Variants in MACROD2 observed in about 807,000 individuals in gnomAD.
The protein encoded by MACROD2 is ADP-ribose glycohydrolase MACROD2.
A neutral mutation model predicts 70.4 loss-of-function variants in MACROD2; 36 were observed. The observed-to-expected ratio is 0.51, with a 90% CI of 0.39 to 0.68. MACROD2 has a LOEUF of 0.68. Ranked by LOEUF, MACROD2 falls within the 30% of genes least tolerant of loss-of-function variation. The pLI, the probability that MACROD2 is intolerant of heterozygous loss-of-function variation, is 0.00. For synonymous variants in MACROD2, 172 were observed against 178.8 expected (o/e 0.96, Z 0.30); for missense variants, 496 against 538.4 (o/e 0.92, Z 0.78).
At chr20:14,824,869 A>G (rs1448357876) in intron 5 of MACROD2, among the ~76,000 whole-genome samples, 5 of 152,106 alleles carry the variant, frequency 3.3e-5, no homozygotes, top group African/African-American at 1.2e-4. Flanking sequence ...TTGAGGTACT[A>G]CCATGTGCCG....
intron 4 of MACROD2, among the ~76,000 whole-genome samples, chr20:14,679,077 G>A (rs1315520252): frequency 1.3e-5 from 2 of 152,106 alleles, no homozygotes; most frequent in Admixed American, 6.6e-5. Context: ...GCCACCTCCT[G>A]CTTCTTCAAG....
chr20:14,436,196 T>C (rs768627898), intron 3 of MACROD2, among the ~76,000 whole-genome samples: 3 of 152,212 alleles, frequency 2.0e-5, no homozygotes, highest in Non-Finnish European at 4.4e-5. Context: ...GTTTATCTGT[T>C]GACAAGTGAT....
intron 5 of MACROD2, among the ~76,000 whole-genome samples, chr20:15,123,126 T>C (rs1468370987): frequency 6.6e-6 from 1 of 152,150 alleles, no homozygotes; most frequent in Non-Finnish European, 1.5e-5. Context: ...TATGACCCAG[T>C]TTAGACCAAA....
At chr20:16,042,737 C>T (rs557139575) in intron 16 of MACROD2, among the ~76,000 whole-genome samples, 1 of 152,162 alleles carries the variant, frequency 6.6e-6, no homozygotes, top group Non-Finnish European at 1.5e-5. Context: ...TGGATGAATG[C>T]TTATACTTAC....
chr20:15,227,833 T>G (rs6034130), intron 5 of MACROD2, among the ~76,000 whole-genome samples: 29 of 97,458 alleles, frequency 3.0e-4, no homozygotes, highest in Non-Finnish European at 3.4e-4. Flanking sequence ...GTTTTTTTTT[T>G]TTTTTTTTTT....
intron 5 of MACROD2, among the ~76,000 whole-genome samples, chr20:15,112,302 G>A (rs2075961113): frequency 6.6e-6 from 1 of 152,124 alleles, no homozygotes; most frequent in South Asian, 2.1e-4. Flanking sequence ...TTAAAATTAG[G>A]CCACTGGATA....
At chr20:15,877,988 C>T (rs1342250313) in intron 9 of MACROD2, among the ~76,000 whole-genome samples, 8 of 151,918 alleles carry the variant, frequency 5.3e-5, no homozygotes, top group Admixed American at 2.0e-4. Flanking sequence ...GAGAGGATGC[C>T]GTAATAGCTC....
At chr20:15,221,274 A>G (rs2076859171) in intron 5 of MACROD2, among the ~76,000 whole-genome samples, 1 of 152,148 alleles carries the variant, frequency 6.6e-6, no homozygotes, top group African/African-American at 2.4e-5. Context: ...CATATTGTCT[A>G]TTTGGACCTT....
Position 14,342,590 on chromosome 20 carries a change from C to T in MACROD2, c.272-150889C>T, listed in dbSNP as rs1243876078. ...AGATGCTTAATGTAGTAGTTAGAAA[C>T]TATACCACATCTTTCTCAACAATTC... On this transcript the variant is annotated intron_variant, in intron 3 of 17. Transcript: ENST00000684519. 2.0e-5 allele frequency among the ~76,000 whole-genome samples: 3 copies of T among 152,250 alleles called. No individual in the cohort carries two copies. In the East Asian group the frequency reaches 5.8e-4, roughly 29 times the overall value.
chr20:14,454,360 A>G (rs1291762359), intron 3 of MACROD2, among the ~76,000 whole-genome samples: 1 of 151,344 alleles, frequency 6.6e-6, no homozygotes, highest in Non-Finnish European at 1.5e-5. Context: ...CTTATTTTTA[A>G]CATTCAATAG....
At chr20:14,423,699 C>T (rs1228388588) in intron 3 of MACROD2, among the ~76,000 whole-genome samples, 2 of 51,348 alleles carry the variant, frequency 3.9e-5, no homozygotes, top group East Asian at 1.6e-3. Context: ...GACTCTGTCT[C>T]AAAAAAAAAA....
At chr20:14,205,152 C>A (rs1454347432) in intron 3 of MACROD2, among the ~76,000 whole-genome samples, 5 of 152,174 alleles carry the variant, frequency 3.3e-5, no homozygotes, top group African/African-American at 1.2e-4. Flanking sequence ...TTATTTATTT[C>A]TCTGGTGCCC....
intron 3 of MACROD2, among the ~76,000 whole-genome samples, chr20:14,121,019 T>C (rs966640009): frequency 2.6e-5 from 4 of 152,096 alleles, no homozygotes; most frequent in African/African-American, 9.7e-5. Context: ...AGGTACCATT[T>C]TTTTTTAGAA....
At chr20:14,470,191 G>A (rs534764018) in intron 3 of MACROD2, among the ~76,000 whole-genome samples, 34 of 152,240 alleles carry the variant, frequency 2.2e-4, no homozygotes, top group African/African-American at 7.5e-4. Context: ...CTCCTCTGCT[G>A]CACGTCTGCT....
chr20:15,349,335 G>A (rs2078201547), intron 6 of MACROD2, among the ~76,000 whole-genome samples: 1 of 152,132 alleles, frequency 6.6e-6, no homozygotes, highest in South Asian at 2.1e-4. Flanking sequence ...GTAACCTGTG[G>A]GCCATGTGTT....
At chr20:15,981,460 G>A (rs7266203) in intron 13 of MACROD2, among the ~76,000 whole-genome samples, 1 of 152,038 alleles carries the variant, frequency 6.6e-6, no homozygotes, top group African/African-American at 2.4e-5. Flanking sequence ...TGATCAGGGT[G>A]ATTCTTTTGG....
chr20:15,583,992 A>G (rs1160824442), intron 8 of MACROD2, among the ~76,000 whole-genome samples: 1 of 152,268 alleles, frequency 6.6e-6, no homozygotes, highest in East Asian at 1.9e-4. Flanking sequence ...CTTGTGGAAG[A>G]CACTTGCTCT....
At chr20:14,835,260 A>G (rs1385619206) in intron 5 of MACROD2, among the ~76,000 whole-genome samples, 1 of 152,100 alleles carries the variant, frequency 6.6e-6, no homozygotes. Flanking sequence ...GGATGAAGGA[A>G]AGAGGATACA....
At chr20:14,119,450 A>T (rs1233399305) in intron 3 of MACROD2, among the ~76,000 whole-genome samples, 1 of 152,028 alleles carries the variant, frequency 6.6e-6, no homozygotes, top group Non-Finnish European at 1.5e-5. Context: ...GATTATAGGC[A>T]TGAGCCATCG....
Sources: gnomAD v4.1 joint callset for allele counts (sites outside exome capture counted in the v4.1 genomes callset) on GRCh38, gnomAD v4.1.1 for gene constraint, MANE v1.5 for transcripts, NCBI Gene and HGNC (gene_info 2026-07-23, HGNC 2026-07-21) for gene names.